Variants in ATP11B observed in about 807,000 individuals in gnomAD.
ATP11B encodes phospholipid-transporting ATPase IF.
A neutral mutation model predicts 157.8 loss-of-function variants in ATP11B; 81 were observed. That is an observed-to-expected ratio of 0.51 (90% CI 0.43 to 0.62). The LOEUF (loss-of-function observed/expected upper bound fraction) is 0.62. Ranked by LOEUF, ATP11B falls within the 20% of genes least tolerant of loss-of-function variation. The probability of loss-of-function intolerance (pLI) is 0.00; values close to 1 mark genes in which losing one functional copy is unlikely to be tolerated. For missense variants in ATP11B, 1,165 were observed against 1,402.2 expected (o/e 0.83, Z 2.70); for synonymous variants, 451 against 469.4 (o/e 0.96, Z 0.51).
At chr3:182,913,527 G>A (rs1724939984) in intron 28 of ATP11B, among the ~76,000 whole-genome samples, 1 of 152,080 alleles carries the variant, frequency 6.6e-6, no homozygotes, top group Non-Finnish European at 1.5e-5. Context: ...ATGCAGAATT[G>A]GAATTCATTA....
intron 3 of ATP11B, 130 bp from the exon 4 acceptor site, chr3:182,829,542 G>C (rs1226823147): frequency 3.0e-6 from 2 of 677,694 alleles, no homozygotes; most frequent in African/African-American, 3.7e-5. Context: ...CCACATAATA[G>C]CCAACAAAGT....
chr3:182,830,943 C>T (rs1718087662), intron 4 of ATP11B, among the ~76,000 whole-genome samples: 1 of 152,062 alleles, frequency 6.6e-6, no homozygotes, highest in Admixed American at 6.6e-5. Flanking sequence ...AAACAGATGT[C>T]ATTTATTTCA....
chr3:182,860,228 C>G (rs548089014), intron 12 of ATP11B, among the ~76,000 whole-genome samples: 25 of 152,276 alleles, frequency 1.6e-4, no homozygotes, highest in African/African-American at 6.0e-4. Context: ...CTTGGCATGT[C>G]TGAAAATATC....
intron 25 of ATP11B, among the ~76,000 whole-genome samples, 161 bp downstream of exon 25, chr3:182,889,709 CA>C (rs1418426665): frequency 2.0e-5 from 3 of 152,088 alleles, no homozygotes; most frequent in Non-Finnish European, 4.4e-5. Flanking sequence ...AAGTTTCATA[CA>C]AGTGAAAATT....
rs971410713 is a variant in ATP11B at position 182,793,547 on chromosome 3, C to T, written c.-213C>T. ...GGCGCGGCGGCAGGCTCAGCTGCGC[C>T]GGGCGGGGGCGGCGCCGGGGCCGCG... On this transcript the variant is annotated 5_prime_UTR_variant, in exon 1 of 30. Transcript: ENST00000323116. 8.4e-6 allele frequency: 3 copies of T among 358,918 alleles called. No individual in the cohort carries two copies. The highest frequency in any genetic ancestry group is 1.5e-5 in the Non-Finnish European group (3 of 201,512). 22.2% of individuals were successfully genotyped at this position (358,918 alleles called of 1,614,324 possible). A position where few individuals can be genotyped will look rare whatever the true frequency, so the allele number is the denominator to read the frequency against.
chr3:182,884,646 A>G (rs1268850236), intron 21 of ATP11B, 107 bp from the exon 22 acceptor site: 2 of 1,102,102 alleles, frequency 1.8e-6, no homozygotes, highest in African/African-American at 1.6e-5. Flanking sequence ...TTAGGATTTA[A>G]TGTTCCTAAG....
chr3:182,833,454 T>C (rs927198102), intron 4 of ATP11B, among the ~76,000 whole-genome samples: 6 of 152,072 alleles, frequency 3.9e-5, no homozygotes, highest in African/African-American at 1.4e-4. Context: ...GCCTACCAAA[T>C]AGCTGGGACT....
chr3:182,895,077 C>T (rs1000954905), intron 25 of ATP11B, among the ~76,000 whole-genome samples: 1 of 138,864 alleles, frequency 7.2e-6, no homozygotes, highest in Non-Finnish European at 1.5e-5. Flanking sequence ...CATGCCATTG[C>T]ACTCCAGCCT....
intron 1 of ATP11B, among the ~76,000 whole-genome samples, chr3:182,812,210 CTG>C (rs140683042): frequency 0.021 from 3,187 of 152,244 alleles, 42 homozygotes; most frequent in Middle Eastern, 0.034. Context: ...TATTCATTGA[CTG>C]TGTCTCCAGC....
At chr3:182,859,847 T>C (rs1560093309) in intron 12 of ATP11B, among the ~76,000 whole-genome samples, 1 of 152,202 alleles carries the variant, frequency 6.6e-6, no homozygotes, top group East Asian at 1.9e-4. Flanking sequence ...TTCCTCAATT[T>C]CCATGTGCCA....
At chr3:182,817,017 T>G (rs923387577) in intron 1 of ATP11B, among the ~76,000 whole-genome samples, 83 of 152,306 alleles carry the variant, frequency 5.4e-4, no homozygotes, top group Admixed American at 2.4e-3. Context: ...AATTTACCTA[T>G]TTTGCATATG....
At chr3:182,822,743 A>C (rs1351374444) in intron 2 of ATP11B, among the ~76,000 whole-genome samples, 1 of 152,198 alleles carries the variant, frequency 6.6e-6, no homozygotes, top group Non-Finnish European at 1.5e-5. Context: ...AACAGTGTAA[A>C]AGTGTTCCTA....
rs562789988 is a variant in ATP11B at position 182,842,448 on chromosome 3, T to C, written c.704+326T>C. ...TCAGGGCCAGATACTGGGGAAGGGT[T>C]GTGGAGCTTCCGTGCTCTCCCTGGG... On this transcript the variant is annotated intron_variant, in intron 8 of 29. Transcript: ENST00000323116. 3.3e-5 allele frequency among the ~76,000 whole-genome samples: 5 copies of C among 152,288 alleles called. No individual in the cohort carries two copies. The East Asian group carries it at 7.7e-4, about 24-fold the overall frequency.
At chr3:182,806,175 G>A (rs533219223) in intron 1 of ATP11B, among the ~76,000 whole-genome samples, 57 of 152,214 alleles carry the variant, frequency 3.7e-4, no homozygotes, top group African/African-American at 1.3e-3. Flanking sequence ...TCTACGTATT[G>A]GAGATACTAC....
At chr3:182,853,583 T>C (rs917332042) in intron 10 of ATP11B, among the ~76,000 whole-genome samples, 2 of 152,206 alleles carry the variant, frequency 1.3e-5, no homozygotes, top group African/African-American at 4.8e-5. Context: ...TCAAAAAGCG[T>C]AATATATTTA....
chr3:182,898,580 T>C (rs200959060), intron 27 of ATP11B, 27 bp from the exon 28 acceptor site: 11 of 1,564,066 alleles, frequency 7.0e-6, no homozygotes, highest in East Asian at 2.3e-5. Context: ...TTTCCACTTT[T>C]ATTAAGCACA....
rs890213309 is a variant in ATP11B at position 182,889,481 on chromosome 3, C to G, written c.2915C>G (p.Ala972Gly). The change falls in exon 25 of 30, where the codon GCC (alanine) becomes GGC (glycine). Residue 972 changes from alanine to glycine, a missense_variant. Around this residue, in one of 4 missense-constraint regions of ATP11B, gnomAD observed 303 missense variants for 296.3 expected, o/e 1.02. Transcript: ENST00000323116. ...TGGACCATCCTGGGCTTCAGTCATG[C>G]CTTTATTTTCTTTTTTGGATCCTAT... is the stretch of plus-strand genomic sequence containing the variant. ...LYWTILGFSH[A>G]FIFFFGSYLL... 26 of 1,573,904 alleles carry G rather than the reference C, an allele frequency of 1.7e-5. No homozygotes were observed. Among genetic ancestry groups the G allele is most frequent in the Non-Finnish European group, 2.1e-5 (24 of 1,166,602 alleles).
intron 29 of ATP11B, chr3:182,915,752 T>G: frequency 1.0e-6 from 1 of 985,238 alleles, no homozygotes; most frequent in East Asian, 1.1e-4. Context: ...CAGCATTACC[T>G]CTTTTGAACC....
In ATP11B at chr3:182,887,446, T is replaced by A. The variant is rs1326743767; in HGVS notation, c.2716-140T>A. 1.0e-5 allele frequency: 6 copies of A among 587,962 alleles called. No homozygotes were observed. The Admixed American group carries it at 2.2e-4, about 22-fold the overall frequency. 36.4% of individuals were successfully genotyped at this position (587,962 alleles called of 1,614,324 possible). A position where few individuals can be genotyped will look rare whatever the true frequency, so the allele number is the denominator to read the frequency against. On this transcript the variant is annotated intron_variant, in intron 23 of 29. Transcript: ENST00000323116. The stretch of plus-strand genomic sequence containing the variant: ...GTCAGTATTAAAAACAAATTAGAAT[T>A]ATTTAATTGGAGTTACTAAAATGGA...
Sources: gnomAD v4.1 joint callset for allele counts (sites outside exome capture counted in the v4.1 genomes callset) on GRCh38, gnomAD v4.1.1 for gene constraint, gnomAD v4.1.1 regional missense constraint, MANE v1.5 for transcripts, NCBI Gene and HGNC (gene_info 2026-07-23, HGNC 2026-07-21) for gene names.